Variants in SEMA3A observed in about 807,000 individuals in gnomAD.
SEMA3A encodes semaphorin 3A.
SEMA3A carries 29 observed loss-of-function variants against 97.9 expected under a neutral mutation model. The ratio of observed to expected loss-of-function variants is 0.30; its 90% CI spans 0.22 to 0.40. The LOEUF (loss-of-function observed/expected upper bound fraction) is 0.40. Ranked by LOEUF, SEMA3A falls within the 10% of genes least tolerant of loss-of-function variation. The pLI, the probability that SEMA3A is intolerant of heterozygous loss-of-function variation, is 1.00. For missense variants in SEMA3A, 763 were observed against 951.3 expected, an observed-to-expected ratio of 0.80 and a Z score of 2.60; for synonymous variants, 321 against 323.7, an observed-to-expected ratio of 0.99 and a Z score of 0.09.
At chr7:84,437,845 C>T (rs1449152877) in intron 1 of SEMA3A, among the ~76,000 whole-genome samples, 3 of 151,936 alleles carry the variant, frequency 2.0e-5, no homozygotes, top group East Asian at 1.9e-4. Context: ...TTTTCAGAAA[C>T]AATTCATATA....
At chr7:84,142,109 T>C (rs1796313547) in intron 1 of SEMA3A, among the ~76,000 whole-genome samples, 1 of 152,196 alleles carries the variant, frequency 6.6e-6, no homozygotes, top group African/African-American at 2.4e-5. Flanking sequence ...TATGAATTTA[T>C]TTTTCATTTT....
intron 4 of SEMA3A, among the ~76,000 whole-genome samples, chr7:84,075,015 T>C (rs1199537970): frequency 6.6e-6 from 1 of 152,128 alleles, no homozygotes; most frequent in Admixed American, 6.5e-5. Context: ...GGCTAGAATT[T>C]TTTTTACTGA....
At chr7:84,222,660 AAAC>A (rs1174339367) in intron 3 of SEMA3A, among the ~76,000 whole-genome samples, 6 of 151,946 alleles carry the variant, frequency 3.9e-5, no homozygotes, top group African/African-American at 1.4e-4. Context: ...TATTTTATAT[AAAC>A]AACAATTATT....
At chr7:84,273,630 T>C (rs890740022) in intron 3 of SEMA3A, among the ~76,000 whole-genome samples, 22 of 152,092 alleles carry the variant, frequency 1.4e-4, no homozygotes, top group Admixed American at 8.5e-4. Context: ...ATATGAAAAA[T>C]ACTAACATCT....
intron 11 of SEMA3A, 27 bp downstream of exon 11, chr7:84,005,311 AG>A: frequency 6.5e-7 from 1 of 1,536,558 alleles, no homozygotes; most frequent in African/African-American, 1.4e-5. Flanking sequence ...TTCGGAAAAA[AG>A]TTTACAGCTG....
At chr7:83,963,865 T>C (rs1233106882) in intron 15 of SEMA3A, among the ~76,000 whole-genome samples, 2 of 152,178 alleles carry the variant, frequency 1.3e-5, no homozygotes, top group Non-Finnish European at 2.9e-5. Flanking sequence ...TTACAGAAGG[T>C]AGAGTGCAGG....
chr7:84,011,156 C>T (rs1222112413), intron 8 of SEMA3A, 27 bp downstream of exon 8: 2 of 1,604,434 alleles, frequency 1.2e-6, no homozygotes, highest in Non-Finnish European at 1.7e-6. Context: ...AACAAATATT[C>T]TCTATACATA....
intron 2 of SEMA3A, among the ~76,000 whole-genome samples, chr7:84,365,683 TCTTA>T (rs1562921264): frequency 1.3e-5 from 2 of 151,598 alleles, no homozygotes; most frequent in Non-Finnish European, 3.0e-5. Context: ...ACTTTTATAT[TCTTA>T]CTTTTTTTTG....
At chr7:84,294,975 T>G (rs1222314584) in intron 3 of SEMA3A, among the ~76,000 whole-genome samples, 1 of 152,096 alleles carries the variant, frequency 6.6e-6, no homozygotes, top group Admixed American at 6.6e-5. Flanking sequence ...CCTTCTTTCC[T>G]GCTGCTCTCT....
intron 5 of SEMA3A, among the ~76,000 whole-genome samples, chr7:84,055,933 A>C (rs1792956510): frequency 6.6e-6 from 1 of 152,242 alleles, no homozygotes; most frequent in Non-Finnish European, 1.5e-5. Flanking sequence ...GTCCAATTTT[A>C]TTAAATTGAT....
At chr7:84,204,437 C>T (rs547280352) in intron 3 of SEMA3A, among the ~76,000 whole-genome samples, 6 of 152,052 alleles carry the variant, frequency 3.9e-5, no homozygotes, top group East Asian at 1.9e-4. Context: ...ACTGTGGAGT[C>T]GGATTTTGCA....
chr7:84,386,979 G>A (rs1803414125), intron 1 of SEMA3A, among the ~76,000 whole-genome samples: 1 of 151,302 alleles, frequency 6.6e-6, no homozygotes, highest in East Asian at 2.0e-4. Flanking sequence ...CAGCCTGGGG[G>A]ACAGAGCAAT....
intron 2 of SEMA3A, among the ~76,000 whole-genome samples, chr7:84,362,259 T>A (rs538101600): frequency 1.3e-5 from 2 of 152,064 alleles, no homozygotes; most frequent in South Asian, 4.2e-4. Flanking sequence ...TCTTAATTTC[T>A]CCCAGATTCA....
intron 1 of SEMA3A, among the ~76,000 whole-genome samples, chr7:84,166,350 G>C (rs1797205475): frequency 6.6e-6 from 1 of 151,224 alleles, no homozygotes. Context: ...GAGGCAGGCA[G>C]ATCAGGAGGT....
At chr7:84,028,673 C>T (rs551870119) in intron 6 of SEMA3A, among the ~76,000 whole-genome samples, 19 of 152,300 alleles carry the variant, frequency 1.2e-4, no homozygotes, top group African/African-American at 4.6e-4. Context: ...GGCACGATCT[C>T]GGCTGACTGA....
chr7:84,043,383 G>GT (rs1183425179), intron 6 of SEMA3A, among the ~76,000 whole-genome samples: 27 of 152,110 alleles, frequency 1.8e-4, no homozygotes, highest in African/African-American at 6.0e-4. Context: ...CTGTTTGGTT[G>GT]TTTGCTTTTC....
intron 1 of SEMA3A, among the ~76,000 whole-genome samples, chr7:84,424,742 G>A (rs1188203018): frequency 7.6e-5 from 7 of 92,054 alleles, no homozygotes; most frequent in East Asian, 3.6e-4. Context: ...TATATATTTA[G>A]ATATCAATAT....
At chr7:83,963,091 T>C in intron 16 of SEMA3A, 114 bp downstream of exon 16, 1 of 1,138,032 alleles carries the variant, frequency 8.8e-7, no homozygotes, top group Non-Finnish European at 1.3e-6. Context: ...ATTGATTGGT[T>C]CAGAAGAGGA....
At chr7:84,365,538 A>T (rs1802827617) in intron 2 of SEMA3A, among the ~76,000 whole-genome samples, 1 of 151,526 alleles carries the variant, frequency 6.6e-6, no homozygotes, top group Non-Finnish European at 1.5e-5. Flanking sequence ...TTTTGCGAAG[A>T]CTTCTTTCTC....
Sources: gnomAD v4.1 joint callset for allele counts (sites outside exome capture counted in the v4.1 genomes callset) on GRCh38, gnomAD v4.1.1 for gene constraint, MANE v1.5 for transcripts, NCBI Gene and HGNC (gene_info 2026-07-23, HGNC 2026-07-21) for gene names.